Variants in TTN observed in about 807,000 individuals in gnomAD.
TTN encodes titin, also known as connectin.
A neutral mutation model predicts 3,223.0 loss-of-function variants in TTN; 1,525 were observed. The ratio of observed to expected loss-of-function variants is 0.47; its 90% CI spans 0.45 to 0.49. The LOEUF is 0.49. TTN is among the 20% of genes least tolerant of loss of function. The pLI, the probability that TTN is intolerant of heterozygous loss-of-function variation, is 0.00. For missense variants in TTN, 40,786 were observed against 43,424.0 expected (o/e 0.94, Z 5.40); for synonymous variants, 14,094 against 15,161.0 (o/e 0.93, Z 5.17).
rs10183361 is a variant in TTN, at chr2:178,715,798, C to T, written c.25640-24G>A. The T allele has an allele frequency of 0.046, 71,356 of 1,557,590 alleles. 3,577 individuals carry two copies. Among genetic ancestry groups the T allele is most frequent in the Admixed American group, 0.17 (8,948 of 52,246 alleles). On this transcript the variant is annotated intron_variant, in intron 88 of 362. Transcript: ENST00000589042. ...TTCTATGGAACCAAGAGGAAAAACA[C>T]AGGGTAAGGGATGGAACAGATGCAT...
intron 6 of TTN, among the ~76,000 whole-genome samples, chr2:178,797,789 C>T (rs1260249213): frequency 1.3e-5 from 2 of 152,148 alleles, no homozygotes; most frequent in Admixed American, 1.3e-4. Context: ...TTTTGCCATA[C>T]ATACATGTTG....
In TTN at chr2:178,633,478, T is replaced by C; in HGVS notation, c.42881A>G (p.Lys14294Arg). ...GTCACACACATATTCGCCTTTATCTTTAAGGTCCGCCTTTTTGATTTTTAA... is the reference window on the plus strand; with the variant it reads ...GTCACACACATATTCGCCTTTATCTCTAAGGTCCGCCTTTTTGATTTTTAA... ...RILKIKKADL[K>R]DKGEYVCDCG... The change falls in exon 232 of 363, where the codon AAA becomes AGA. Residue 14294 changes from lysine to arginine, a missense_variant. Transcript: ENST00000589042. 2 of 1,613,412 alleles carry C rather than the reference T, an allele frequency of 1.2e-6. No individual in the cohort carries two copies. Among genetic ancestry groups the C allele is most frequent in the Admixed American group, 3.3e-5 (2 of 59,982 alleles).
At position 178,652,549 on chromosome 2, in the gene TTN, G is replaced by T; in HGVS notation, c.39044-8C>A. ...CTTTCGGAGCCTCTGGCACTTAAAAGATATTAGTGAAATTACATTTAGAAG... is the reference window on the plus strand; with the variant it reads ...CTTTCGGAGCCTCTGGCACTTAAAATATATTAGTGAAATTACATTTAGAAG... On this transcript the variant is annotated splice_region_variant and splice_polypyrimidine_tract_variant and intron_variant, in intron 201 of 362. Coordinates refer to ENST00000589042, the MANE Select transcript of TTN (RefSeq NM_001267550.2). The T allele has an allele frequency of 6.2e-7, 1 of 1,613,096 alleles. No individual in the cohort carries two copies. Among genetic ancestry groups the T allele is most frequent in the Non-Finnish European group, 8.5e-7 (1 of 1,179,514 alleles).
chr2:178,717,137 T>A lies in TTN; in HGVS notation c.25597A>T (p.Ile8533Phe). The change falls in exon 88 of 363, where the codon ATC (isoleucine) becomes TTC (phenylalanine). Residue 8533 changes from isoleucine to phenylalanine, a missense_variant. Physicochemically the swap from Ile to Phe is conservative, Grantham distance 21. Coordinates refer to ENST00000589042, the MANE Select transcript of TTN (RefSeq NM_001267550.2). ...GCAGAACAAGAGTCTTTTCCAGCGA[T>A]GTTGCTTGCATAGCAGGTGTACTGC... ...AGQYTCYASN[I>F]AGKDSCSAQL... The A allele has an allele frequency of 1.2e-6, 2 of 1,613,440 alleles. No homozygotes were observed. Among genetic ancestry groups the A allele is most frequent in the Non-Finnish European group, 1.7e-6 (2 of 1,179,520 alleles).
At position 178,569,244 on chromosome 2, in the gene TTN, C is replaced by T; in HGVS notation, c.76888G>A (p.Gly25630Arg). 1 of 1,603,006 alleles carries T rather than the reference C, an allele frequency of 6.2e-7. No homozygotes were observed. Among genetic ancestry groups the T allele is most frequent in the Non-Finnish European group, 8.5e-7 (1 of 1,174,092 alleles). The part of the protein sequence containing the change: ...ITWEPPLLDG[G>R]SKIKNYIVEK... The stretch of plus-strand genomic sequence containing the variant: ...ACAATGTAATTTTTTATTTTGGATC[C>T]CCCATCCAACAAAGGAGGTTCCCAT... Residue 25630 changes from glycine to arginine, a missense_variant, in exon 326 of 363, where the codon GGA becomes AGA. By Grantham distance (125) the Gly-to-Arg change is moderately radical (BLOSUM62 -2). Transcript: ENST00000589042.
rs746432536 is a variant in TTN, at chr2:178,599,445, C to T, written c.56348G>A (p.Gly18783Asp). The change falls in exon 290 of 363, where the codon GGT (glycine) becomes GAT (aspartate). Residue 18783 changes from glycine (G) to aspartate (D), a missense_variant and splice_region_variant. By Grantham distance (94) the Gly-to-Asp change is moderately conservative. Transcript: ENST00000589042. ...ASKEMRLNVL[G>D]RPGPPVGPIK... The stretch of plus-strand genomic sequence containing the variant: ...GGGTCCCACTGGAGGGCCAGGACGA[C>T]CTAAAATGGTTTAAAGAAGGAACCC... The T allele has an allele frequency of 2.6e-6, 4 of 1,521,968 alleles. No homozygotes were observed. The highest frequency in any genetic ancestry group is 2.6e-6 in the Non-Finnish European group (3 of 1,138,278). The allele number at this position is 1,521,968 out of a possible 1,614,324, so 94.3% of individuals were successfully genotyped here.
chr2:178,713,761 T>G (rs2077043535), intron 92 of TTN, 136 bp downstream of exon 92: 3 of 1,108,108 alleles, frequency 2.7e-6, no homozygotes, highest in East Asian at 5.2e-5. Context: ...CAGATGGTAT[T>G]GCCTCTGAAT....
At position 178,598,968 on chromosome 2, in the gene TTN, AG is replaced by A. The variant is rs1553663867; in HGVS notation, c.56741del (p.Ser18914PhefsTer3). On this transcript the variant is annotated frameshift_variant, in exon 291 of 363. Coordinates refer to ENST00000589042, the MANE Select transcript of TTN (RefSeq NM_001267550.2). LOFTEE classifies it high-confidence loss of function. Reference protein sequence around the residue: ...NWEEPEYDGGSPVTGYWLEMK... With the variant: ...NWEEPEYDGGXPVTGYWLEMK... Reference sequence around the variant, plus strand: ...TTTCCAGCCAGTACCCTGTCACAGGAGAGCCTCCATCATATTCTGGCTCTTC... The same window carrying A: ...TTTCCAGCCAGTACCCTGTCACAGGAAGCCTCCATCATATTCTGGCTCTTC... The A allele has an allele frequency of 3.1e-6, 5 of 1,612,602 alleles. No individual in the cohort carries two copies. Among genetic ancestry groups the A allele is most frequent in the Non-Finnish European group, 3.4e-6 (4 of 1,179,402 alleles).
chr2:178,804,764 C>G, intron 1 of TTN, 109 bp from the exon 2 acceptor site: 3 of 963,256 alleles, frequency 3.1e-6, no homozygotes, highest in Non-Finnish European at 4.8e-6. Context: ...CTCCATAGGT[C>G]ATCTGTGGGC....
Position 178,543,947 on chromosome 2 carries a change from C to T in TTN, c.96197G>A (p.Ser32066Asn), listed in dbSNP as rs1438404917. 5 of 1,613,560 alleles carry T rather than the reference C, an allele frequency of 3.1e-6. No homozygotes were observed. Among genetic ancestry groups the T allele is most frequent in the Non-Finnish European group, 4.2e-6 (5 of 1,179,718 alleles). ...ASRAIIDTTE[S>N]YSLLIVDKVN... ...TTTGTCCACTATTAGCAATGAGTAG[C>T]TCTCAGTGGTGTCAATAATTGCCCG... Residue 32066 changes from serine (S) to asparagine (N), a missense_variant, in exon 346 of 363, where the codon AGC becomes AAC. Transcript: ENST00000589042.
intron 347 of TTN, 59 bp from the exon 348 acceptor site, chr2:178,543,008 G>A (rs998740133): frequency 8.5e-6 from 13 of 1,528,054 alleles, no homozygotes; most frequent in African/African-American, 8.4e-5. Context: ...AAATTGTTAC[G>A]AATTCTGAAT....
At position 178,794,496 on chromosome 2, in the gene TTN, T is replaced by C. The variant is rs1478114976; in HGVS notation, c.1301A>G (p.Asp434Gly). The C allele has an allele frequency of 3.7e-6, 6 of 1,614,082 alleles. No individual in the cohort carries two copies. The highest frequency in any genetic ancestry group is 4.2e-6 in the Non-Finnish European group (5 of 1,180,024). ...AAVATVVAAV[D>G]MARVREPVIS... ...CACTGGTTCTCTCACTCTGGCCATA[T>C]CAACGGCAGCAACAACAGTCGCAAC... is the stretch of plus-strand genomic sequence containing the variant. Residue 434 changes from aspartate to glycine, a missense_variant, in exon 8 of 363, where the codon GAT becomes GGT. By Grantham distance (94) the Asp-to-Gly change is moderately conservative (BLOSUM62 -1). Coordinates refer to ENST00000589042, the MANE Select transcript of TTN (RefSeq NM_001267550.2).
rs72646871 is a variant in TTN at position 178,580,487 on chromosome 2, G to A, written c.66892C>T (p.Pro22298Ser). Residue 22298 changes from proline (P) to serine (S), a missense_variant, in exon 317 of 363, where the codon CCA becomes TCA. Coordinates refer to ENST00000589042, the MANE Select transcript of TTN (RefSeq NM_001267550.2). Reference protein sequence around the residue: ...RPPPKITWSKPNVNLRDRIGL... With the variant: ...RPPPKITWSKSNVNLRDRIGL... ...ATCCTGTCTCTTAGATTGACATTTG[G>A]TTTAGACCAAGTAATCTTTGGAGGT... 1.9e-6 allele frequency: 3 copies of A among 1,612,950 alleles called. No homozygotes were observed. The highest frequency in any genetic ancestry group is 1.7e-5 in the Admixed American group (1 of 59,958).
Position 178,533,034 on chromosome 2 carries a change from T to C in TTN, c.103581A>G (p.Ile34527Met). The stretch of plus-strand genomic sequence containing the variant: ...GTTTTCTCTCCTCCTTCTTTTCTTC[T>C]ATCTCAAGTCTGAATTCCCCTTTTA... The part of the protein sequence containing the change: ...KTVKGEFRLE[I>M]EEKKEERKLR... Residue 34527 changes from isoleucine to methionine, a missense_variant, in exon 358 of 363, where the codon ATA becomes ATG. Coordinates refer to ENST00000589042, the MANE Select transcript of TTN (RefSeq NM_001267550.2). 6.2e-7 allele frequency: 1 copy of C among 1,613,966 alleles called. No homozygotes were observed. The highest frequency in any genetic ancestry group is 8.5e-7 in the Non-Finnish European group (1 of 1,179,870).
Position 178,617,218 on chromosome 2 carries a change from T to C in TTN, c.47777A>G (p.Lys15926Arg). 6.4e-7 allele frequency: 1 copy of C among 1,550,616 alleles called. No individual in the cohort carries two copies. The highest frequency in any genetic ancestry group is 8.7e-7 in the Non-Finnish European group (1 of 1,149,832). ...TACTCTATATAAATATTTATTTCCT[T>C]TTTCCAATCCGGTAACCTACGATTA... ...ELTYKVTGLE[K>R]GNKYLYRVSA... The change falls in exon 255 of 363, where the codon AAA becomes AGA. Residue 15926 changes from lysine to arginine, a missense_variant. By Grantham distance (26) the Lys-to-Arg change is conservative. Coordinates refer to ENST00000589042, the MANE Select transcript of TTN (RefSeq NM_001267550.2).
At chr2:178,722,972 T>A in intron 75 of TTN, 35 bp from the exon 76 acceptor site, 1 of 1,596,124 alleles carries the variant, frequency 6.3e-7, no homozygotes, top group East Asian at 2.2e-5. Context: ...GCAACTGGAA[T>A]TAATGAATAT....
At chr2:178,781,060 C>T in intron 21 of TTN, 61 bp downstream of exon 21, 2 of 1,609,888 alleles carry the variant, frequency 1.2e-6, no homozygotes, top group Non-Finnish European at 1.7e-6. Context: ...AAACGGACAG[C>T]ACTGCTATCT....
At position 178,706,428 on chromosome 2, in the gene TTN, C is replaced by T. The variant is rs192453482; in HGVS notation, c.29420+26G>A. 76 of 1,580,078 alleles carry T rather than the reference C, an allele frequency of 4.8e-5. No individual in the cohort carries two copies. The East Asian group carries it at 6.1e-4, about 13-fold the overall frequency. ...CCACTTATATGGAGGGCTGATTGTA[C>T]GATTTGTGGTTTTTATTGAACTCAC... is the stretch of plus-strand genomic sequence containing the variant. On this transcript the variant is annotated intron_variant, in intron 102 of 362. Coordinates refer to ENST00000589042, the MANE Select transcript of TTN (RefSeq NM_001267550.2).
At chr2:178,648,291 C>T (rs2062348431) in intron 213 of TTN, among the ~76,000 whole-genome samples, 1 of 152,118 alleles carries the variant, frequency 6.6e-6, no homozygotes, top group Admixed American at 6.6e-5. Context: ...CCAATCCATA[C>T]TCAAATTGAG....
Sources: gnomAD v4.1 joint callset for allele counts (sites outside exome capture counted in the v4.1 genomes callset) on GRCh38, gnomAD v4.1.1 for gene constraint, MANE v1.5 for transcripts, NCBI Gene and HGNC (gene_info 2026-07-23, HGNC 2026-07-21) for gene names.